PTPRT: variants seen among roughly 807,000 people sequenced by gnomAD.
PTPRT encodes protein tyrosine phosphatase receptor type T.
In PTPRT, 56 loss-of-function variants were observed where a neutral mutation model predicts 176.8. The observed-to-expected ratio is 0.32, with a 90% CI of 0.26 to 0.40. PTPRT has a LOEUF of 0.40. PTPRT is among the 10% of genes least tolerant of loss of function. The pLI is 1.00. For synonymous variants in PTPRT, 783 were observed against 739.0 expected, an observed-to-expected ratio of 1.06 and a Z score of -0.96; for missense variants, 1,540 against 1,908.2, an observed-to-expected ratio of 0.81 and a Z score of 3.60.
intron 1 of PTPRT, among the ~76,000 whole-genome samples, chr20:42,963,135 C>T (rs1287316163): frequency 6.6e-6 from 1 of 151,952 alleles, no homozygotes; most frequent in Non-Finnish European, 1.5e-5. Context: ...GGAGGTGAAG[C>T]TTGCAGTGAG....
chr20:42,898,681 A>G (rs2079346220), intron 1 of PTPRT, among the ~76,000 whole-genome samples: 1 of 152,172 alleles, frequency 6.6e-6, no homozygotes, highest in Non-Finnish European at 1.5e-5. Flanking sequence ...GCATTTGTAC[A>G]TTATGAAAAA....
At chr20:42,278,796 G>C (rs936293843) in intron 13 of PTPRT, among the ~76,000 whole-genome samples, 1 of 152,014 alleles carries the variant, frequency 6.6e-6, no homozygotes, top group Non-Finnish European at 1.5e-5. Flanking sequence ...TCATGGGAAG[G>C]GTCATTTTCT....
chr20:42,624,024 C>CAA (rs939312524), intron 7 of PTPRT, among the ~76,000 whole-genome samples: 1 of 99,718 alleles, frequency 1.0e-5, no homozygotes, highest in South Asian at 2.9e-4. Context: ...AACAAACAAA[C>CAA]AAAAAAAAAA....
rs58059394 is a variant in PTPRT, at chr20:42,086,751, A to ATATATATATATATAT, written c.3847-899_3847-898insATATATATATATATA. 1.1e-4 allele frequency among the ~76,000 whole-genome samples: 11 copies of ATATATATATATATAT among 96,548 alleles called. No homozygotes were observed. In the East Asian group the frequency reaches 1.7e-3, roughly 15 times the overall value. The allele number at this position is 96,548 out of a possible 152,430, so 63.3% of individuals were successfully genotyped here. A position where few individuals can be genotyped will look rare whatever the true frequency, so the allele number is the denominator to read the frequency against. ...CAAAAAAAAAAAAAAAAAAAAAAAA[A>ATATATATATATATAT]AAATATATATATATATGGGTTTGAC... On this transcript the variant is annotated intron_variant, in intron 27 of 30. Coordinates refer to ENST00000373187, the MANE Select transcript of PTPRT (RefSeq NM_007050.6).
At chr20:42,383,346 C>G (rs2058713978) in intron 9 of PTPRT, among the ~76,000 whole-genome samples, 1 of 151,920 alleles carries the variant, frequency 6.6e-6, no homozygotes, top group African/African-American at 2.4e-5. Context: ...GCTTATGTGA[C>G]TGTGAGTACC....
chr20:42,372,762 G>A (rs2058603772), intron 9 of PTPRT, among the ~76,000 whole-genome samples: 1 of 152,128 alleles, frequency 6.6e-6, no homozygotes, highest in Admixed American at 6.6e-5. Context: ...TTATAAAAGA[G>A]ACCCCAGAGA....
Position 42,563,577 on chromosome 20 carries a change from T to G in PTPRT, c.1154-91015A>C, listed in dbSNP as rs2072989028. Among the ~76,000 whole-genome samples, 5 of 152,224 alleles carry G rather than the reference T, an allele frequency of 3.3e-5. No homozygotes were observed. In the South Asian group the frequency reaches 1.0e-3, roughly 32 times the overall value. Reference sequence around the variant, plus strand: ...GTTCATAACAGAAGTGCATAAAAATTTAAAACCTGAAACAACCCAAATGCC... The same window carrying G: ...GTTCATAACAGAAGTGCATAAAAATGTAAAACCTGAAACAACCCAAATGCC... On this transcript the variant is annotated intron_variant, in intron 7 of 30. Transcript: ENST00000373187.
At chr20:42,105,932 G>A (rs191813827) in intron 24 of PTPRT, among the ~76,000 whole-genome samples, 29 of 152,316 alleles carry the variant, frequency 1.9e-4, no homozygotes, top group Middle Eastern at 3.4e-3. Flanking sequence ...ACAGAAGATG[G>A]GCTCGTTACA....
chr20:42,308,775 CA>C, intron 12 of PTPRT, among the ~76,000 whole-genome samples: 1 of 152,280 alleles, frequency 6.6e-6, no homozygotes. Flanking sequence ...TCTATCATGC[CA>C]CAGAAAACCC....
chr20:42,102,387 G>A lies in PTPRT; in HGVS notation c.3541-90C>T, dbSNP rs1600513068. 8 of 1,392,288 alleles carry A rather than the reference G, an allele frequency of 5.7e-6. No individual in the cohort carries two copies. The East Asian group carries it at 7.1e-5, about 12-fold the overall frequency. 86.2% of individuals were successfully genotyped at this position (1,392,288 alleles called of 1,614,324 possible). On this transcript the variant is annotated intron_variant, in intron 25 of 30. Transcript: ENST00000373187. ...GTAATGTTCCAACTCAGCCTAACTC[G>A]CCTATTTCCACCCTCTAAGCGCAGC... is the stretch of plus-strand genomic sequence containing the variant.
At position 42,345,582 on chromosome 20, in the gene PTPRT, ATGTG is replaced by A. The variant is rs56310086; in HGVS notation, c.1865+5042_1865+5045del. 4.7e-3 allele frequency among the ~76,000 whole-genome samples: 440 copies of A among 94,598 alleles called. 6 individuals carry two copies. The highest frequency in any genetic ancestry group is 0.034 in the Middle Eastern group (6 of 178). 62.1% of individuals were successfully genotyped at this position (94,598 alleles called of 152,430 possible). ...CACACATATATATACATACATATAT[ATGTG>A]TGTGTGTGTGTGTGTGTGTGTGTGT... is the stretch of plus-strand genomic sequence containing the variant. On this transcript the variant is annotated intron_variant, in intron 11 of 30. Coordinates refer to ENST00000373187, the MANE Select transcript of PTPRT (RefSeq NM_007050.6).
intron 7 of PTPRT, among the ~76,000 whole-genome samples, chr20:42,543,810 A>C: frequency 6.6e-6 from 1 of 152,116 alleles, no homozygotes; most frequent in East Asian, 1.9e-4. Flanking sequence ...CATGAAAACA[A>C]CGTTAATCTT....
chr20:42,146,849 C>T (rs140722035), intron 17 of PTPRT, among the ~76,000 whole-genome samples: 1 of 152,344 alleles, frequency 6.6e-6, no homozygotes, highest in African/African-American at 2.4e-5. Flanking sequence ...GCTCTTATAT[C>T]TATCCTACCA....
At chr20:42,563,613 A>C (rs1342468449) in intron 7 of PTPRT, among the ~76,000 whole-genome samples, 1 of 152,216 alleles carries the variant, frequency 6.6e-6, no homozygotes, top group African/African-American at 2.4e-5. Flanking sequence ...CAGAAATAGG[A>C]AAATCATGAA....
intron 1 of PTPRT, among the ~76,000 whole-genome samples, chr20:43,104,051 T>C (rs1224057683): frequency 6.6e-6 from 1 of 152,224 alleles, no homozygotes; most frequent in East Asian, 1.9e-4. Context: ...CCAGAAGTTA[T>C]CTTAATCTCC....
At chr20:42,047,002 C>A in the PTPRT span, among the ~76,000 whole-genome samples, 2 of 152,148 alleles carry the variant, frequency 1.3e-5, no homozygotes, top group Non-Finnish European at 2.9e-5. Context: ...TAGAATTGCT[C>A]CCTGTGAGTT....
intron 1 of PTPRT, among the ~76,000 whole-genome samples, chr20:43,016,875 C>T (rs111872196): frequency 1.4e-4 from 22 of 152,126 alleles, no homozygotes; most frequent in African/African-American, 4.3e-4. Flanking sequence ...CTCTCCTTCC[C>T]TCTCTGTCAG....
chr20:42,072,987 T>A lies in PTPRT; in HGVS notation c.*7892A>T, dbSNP rs540694873. On this transcript the variant is annotated 3_prime_UTR_variant, in exon 31 of 31. Transcript: ENST00000373187. ...TAGAATTGAAAAGAAAAAAAAAACA[T>A]TGACAGCACAGTGCTGGCTTTTTTA... The A allele has an allele frequency of 9.8e-5, 22 of 223,938 alleles. No homozygotes were observed. The East Asian group carries it at 1.4e-3, about 15-fold the overall frequency. 13.9% of individuals were successfully genotyped at this position (223,938 alleles called of 1,614,324 possible).
In PTPRT at chr20:42,160,137, G is replaced by GA. The variant is rs371846658; in HGVS notation, c.2682+1214dup. 2.8e-3 allele frequency among the ~76,000 whole-genome samples: 397 copies of GA among 140,526 alleles called. 5 individuals are homozygous for GA. Among genetic ancestry groups the GA allele is most frequent in the African/African-American group, 9.7e-3 (370 of 38,064 alleles). 92.2% of individuals were successfully genotyped at this position (140,526 alleles called of 152,430 possible). ...AGCTGGGGCACACGCTGCATGTGAA[G>GA]AAAAAAAAAAGAACAAACAACAAAA... On this transcript the variant is annotated intron_variant, in intron 17 of 30. Coordinates refer to ENST00000373187, the MANE Select transcript of PTPRT (RefSeq NM_007050.6).
Sources: allele counts gnomAD v4.1 joint callset (sites outside exome capture counted in the v4.1 genomes callset), GRCh38; gene constraint gnomAD v4.1.1; transcripts MANE v1.5; gene names NCBI Gene and HGNC (gene_info 2026-07-23, HGNC 2026-07-21).